Variants in NCKAP5 observed in about 807,000 individuals in gnomAD.
NCKAP5 encodes NCK associated protein 5.
NCKAP5 carries 92 observed loss-of-function variants against 167.0 expected under a neutral mutation model. That is an observed-to-expected ratio of 0.55 (90% CI 0.47 to 0.66). The LOEUF is 0.66. NCKAP5 is among the 30% of genes least tolerant of loss of function. The pLI, the probability that NCKAP5 is intolerant of heterozygous loss-of-function variation, is 0.00. For missense variants in NCKAP5, 2,378 were observed against 2,315.0 expected (o/e 1.03, Z -0.56); for synonymous variants, 891 against 877.4 (o/e 1.02, Z -0.27).
At chr2:132,889,231 T>C (rs962235743) in intron 8 of NCKAP5, among the ~76,000 whole-genome samples, 1 of 152,218 alleles carries the variant, frequency 6.6e-6, no homozygotes, top group Admixed American at 6.5e-5. Context: ...ACTATCCAGC[T>C]GTGTCCTCCC....
intron 4 of NCKAP5, among the ~76,000 whole-genome samples, chr2:133,242,680 C>A (rs978097374): frequency 1.3e-5 from 2 of 152,126 alleles, no homozygotes; most frequent in African/African-American, 4.8e-5. Flanking sequence ...TCCAATCTAT[C>A]GACTTTAAAA....
chr2:133,198,113 T>C (rs367879628), intron 5 of NCKAP5, among the ~76,000 whole-genome samples: 3 of 152,086 alleles, frequency 2.0e-5, no homozygotes, highest in African/African-American at 7.2e-5. Flanking sequence ...AATCAATTAA[T>C]GTGAAAATAT....
At chr2:133,379,392 G>A (rs1307149561) in intron 3 of NCKAP5, among the ~76,000 whole-genome samples, 2 of 152,122 alleles carry the variant, frequency 1.3e-5, no homozygotes, top group Admixed American at 6.5e-5. Context: ...CTCCAGATGT[G>A]TTCAAACTGG....
intron 3 of NCKAP5, among the ~76,000 whole-genome samples, chr2:133,307,308 A>T (rs753230743): frequency 2.0e-5 from 3 of 152,248 alleles, no homozygotes; most frequent in Non-Finnish European, 4.4e-5. Context: ...AGAAAATATC[A>T]GTTTGTCAAA....
intron 6 of NCKAP5, among the ~76,000 whole-genome samples, chr2:133,115,010 A>C (rs2082027363): frequency 6.6e-6 from 1 of 152,190 alleles, no homozygotes; most frequent in South Asian, 2.1e-4. Context: ...TTTCTTACAA[A>C]GGGAAACTTC....
chr2:132,885,668 G>A (rs1199821022), intron 8 of NCKAP5, among the ~76,000 whole-genome samples: 5 of 152,320 alleles, frequency 3.3e-5, no homozygotes, highest in East Asian at 1.9e-4. Flanking sequence ...GACTTGATAC[G>A]TAAAAGGAAC....
At chr2:133,068,236 C>T (rs1016402150) in intron 6 of NCKAP5, among the ~76,000 whole-genome samples, 1 of 152,156 alleles carries the variant, frequency 6.6e-6, no homozygotes. Flanking sequence ...CACAAGTGTC[C>T]AGGGCTCACT....
the NCKAP5 span, among the ~76,000 whole-genome samples, chr2:133,578,475 C>G: frequency 6.6e-6 from 1 of 152,210 alleles, no homozygotes; most frequent in Non-Finnish European, 1.5e-5. Context: ...TGCCAGCTCC[C>G]TCAGGCTTTG....
At chr2:132,801,895 C>T (rs896784141) in intron 11 of NCKAP5, among the ~76,000 whole-genome samples, 1 of 152,128 alleles carries the variant, frequency 6.6e-6, no homozygotes, top group Non-Finnish European at 1.5e-5. Flanking sequence ...GACTCTGCAG[C>T]TCTCTAGTTA....
chr2:132,998,789 C>T (rs1464991300), intron 6 of NCKAP5, among the ~76,000 whole-genome samples: 1 of 152,108 alleles, frequency 6.6e-6, no homozygotes, highest in Non-Finnish European at 1.5e-5. Context: ...TCTGTCTCCC[C>T]AATATGATTA....
chr2:133,288,628 T>G (rs1238233594), intron 4 of NCKAP5, among the ~76,000 whole-genome samples: 1 of 152,056 alleles, frequency 6.6e-6, no homozygotes, highest in Non-Finnish European at 1.5e-5. Context: ...TAAACATTAT[T>G]CAATAGAATA....
intron 8 of NCKAP5, among the ~76,000 whole-genome samples, chr2:132,956,595 CCA>C (rs2076352652): frequency 1.3e-5 from 2 of 152,186 alleles, no homozygotes; most frequent in Non-Finnish European, 2.9e-5. Flanking sequence ...ATGTGCCATA[CCA>C]TCAGCTGCCT....
Position 132,992,248 on chromosome 2 carries a change from G to A in NCKAP5, c.429+1904C>T, listed in dbSNP as rs190317511. 3.0e-4 allele frequency among the ~76,000 whole-genome samples: 45 copies of A among 152,274 alleles called. No individual in the cohort carries two copies. In the East Asian group the frequency reaches 7.9e-3, roughly 27 times the overall value. On this transcript the variant is annotated intron_variant, in intron 7 of 19. Coordinates refer to ENST00000409261, the MANE Select transcript of NCKAP5 (RefSeq NM_207363.3). The stretch of plus-strand genomic sequence containing the variant: ...CAGGGAAGAGTTCATTTCCCAAAAC[G>A]AATAGACTGGGTTATGGAGAGGTAA...
At chr2:132,918,032 T>C (rs1180846963) in intron 8 of NCKAP5, among the ~76,000 whole-genome samples, 1 of 152,198 alleles carries the variant, frequency 6.6e-6, no homozygotes, top group African/African-American at 2.4e-5. Flanking sequence ...AAATCAGAGA[T>C]AGCTATTTGA....
intron 8 of NCKAP5, among the ~76,000 whole-genome samples, chr2:132,928,842 C>G (rs1696127297): frequency 6.6e-6 from 1 of 152,014 alleles, no homozygotes; most frequent in Non-Finnish European, 1.5e-5. Context: ...CTTCAAGACT[C>G]CTACGTGGTG....
rs1683879258 is a variant in NCKAP5, at chr2:132,672,542, G to A, written c.*747C>T. 6.6e-6 allele frequency: 1 copy of A among 152,330 alleles called. No individual in the cohort carries two copies. The highest frequency in any genetic ancestry group is 1.5e-5 in the Non-Finnish European group (1 of 68,032). The allele number at this position is 152,330 out of a possible 1,614,324, so 9.4% of individuals were successfully genotyped here. A position where few individuals can be genotyped will look rare whatever the true frequency, so the allele number is the denominator to read the frequency against. On this transcript the variant is annotated 3_prime_UTR_variant, in exon 20 of 20. Transcript: ENST00000409261. The stretch of plus-strand genomic sequence containing the variant: ...GAGGAACCCTCCGATTTTTTGGCAG[G>A]CCCTGTTGTAGGTTTACAGAGTGTA...
chr2:133,579,993 G>A, the NCKAP5 span, among the ~76,000 whole-genome samples: 1 of 152,132 alleles, frequency 6.6e-6, no homozygotes, highest in African/African-American at 2.4e-5. Context: ...AGAGATGATT[G>A]TTTTCTTTTA....
At chr2:132,707,628 A>C (rs1205526955) in intron 19 of NCKAP5, among the ~76,000 whole-genome samples, 1 of 152,222 alleles carries the variant, frequency 6.6e-6, no homozygotes, top group Non-Finnish European at 1.5e-5. Context: ...TGTGCCAGGC[A>C]CTGTTCTAGG....
chr2:133,260,756 A>T (rs2088866024), intron 4 of NCKAP5, among the ~76,000 whole-genome samples: 1 of 152,220 alleles, frequency 6.6e-6, no homozygotes, highest in Non-Finnish European at 1.5e-5. Flanking sequence ...AAGAGGAAAA[A>T]CAAAAGTAGA....
Sources: gnomAD v4.1 joint callset for allele counts (sites outside exome capture counted in the v4.1 genomes callset) on GRCh38, gnomAD v4.1.1 for gene constraint, MANE v1.5 for transcripts, NCBI Gene and HGNC (gene_info 2026-07-23, HGNC 2026-07-21) for gene names.